The following BTBD9 variants were observed in gnomAD, a reference collection of about 807,000 sequenced individuals.
BTBD9 encodes the protein BTB/POZ domain-containing protein 9.
Under a neutral mutation model 64.3 loss-of-function variants are expected in BTBD9, and 49 were observed. The ratio of observed to expected loss-of-function variants is 0.76; its 90% CI spans 0.61 to 0.97. BTBD9 has a LOEUF of 0.97. Ranked by LOEUF, BTBD9 falls within the 50% of genes least tolerant of loss-of-function variation. The probability of loss-of-function intolerance (pLI) is 0.00; values close to 1 mark genes in which losing one functional copy is unlikely to be tolerated. For synonymous variants in BTBD9, 260 were observed against 274.7 expected (o/e 0.95, Z 0.53); for missense variants, 598 against 762.1 (o/e 0.78, Z 2.53).
At chr6:38,514,376 T>C (rs1441281565) in intron 6 of BTBD9, among the ~76,000 whole-genome samples, 1 of 152,250 alleles carries the variant, frequency 6.6e-6, no homozygotes, top group Non-Finnish European at 1.5e-5. Context: ...TTTTTTCATT[T>C]CTAATAAAGA....
intron 10 of BTBD9, among the ~76,000 whole-genome samples, chr6:38,182,945 A>G (rs1291016144): frequency 6.6e-6 from 1 of 151,434 alleles, no homozygotes; most frequent in Non-Finnish European, 1.5e-5. Flanking sequence ...CTTTCATAAC[A>G]AACATTTAAA....
intron 6 of BTBD9, among the ~76,000 whole-genome samples, chr6:38,533,094 G>A (rs1369778979): frequency 1.3e-5 from 2 of 151,626 alleles, no homozygotes; most frequent in Non-Finnish European, 2.9e-5. Context: ...AAAAGACAAA[G>A]AATGGTTGAA....
At position 38,592,622 on chromosome 6, in the gene BTBD9, C is replaced by T. The variant is rs190565636; in HGVS notation, c.768G>A (p.Val256=). 1 of 1,614,092 alleles carries T rather than the reference C, an allele frequency of 6.2e-7. No homozygotes were observed. Among genetic ancestry groups the T allele is most frequent in the East Asian group, 2.2e-5 (1 of 44,878 alleles). The part of the protein sequence containing the change: ...SPDAILDAIK[V]RSESRDMDLN... ...GGTCCATATCCCGGCTCTCAGATCG[C>T]ACTTTAATGGCATCCAGGATGGCAT... Residue 256 remains valine, a synonymous_variant, in exon 4 of 11, where the codon GTG becomes GTA. Coordinates refer to ENST00000481247, the MANE Select transcript of BTBD9 (RefSeq NM_001099272.2).
At chr6:38,265,147 G>A (rs1186847646) in intron 8 of BTBD9, among the ~76,000 whole-genome samples, 1 of 151,968 alleles carries the variant, frequency 6.6e-6, no homozygotes, top group Non-Finnish European at 1.5e-5. Flanking sequence ...GCAAGCAGAA[G>A]CTCTCGGGTG....
At chr6:38,531,877 A>G (rs1773816538) in intron 6 of BTBD9, among the ~76,000 whole-genome samples, 1 of 152,246 alleles carries the variant, frequency 6.6e-6, no homozygotes, top group South Asian at 2.1e-4. Context: ...AAGGCACAGC[A>G]AGATGGCTGA....
chr6:38,461,243 C>G (rs1207586742), intron 6 of BTBD9, among the ~76,000 whole-genome samples: 1 of 152,132 alleles, frequency 6.6e-6, no homozygotes, highest in African/African-American at 2.4e-5. Flanking sequence ...CCTGTAAAAC[C>G]ATCACCACAA....
At chr6:38,596,194 G>T in intron 2 of BTBD9, 1 of 369,876 alleles carries the variant, frequency 2.7e-6, no homozygotes, top group Non-Finnish European at 3.7e-6. Context: ...TAGCTCTAAG[G>T]TAGACTTAGA....
chr6:38,291,807 G>A (rs1027226584), intron 7 of BTBD9, among the ~76,000 whole-genome samples: 3 of 152,036 alleles, frequency 2.0e-5, no homozygotes, highest in African/African-American at 2.4e-5. Context: ...ATTGATTTGC[G>A]TATGTTGAAC....
intron 10 of BTBD9, chr6:38,179,867 C>G (rs918336586): frequency 2.2e-6 from 1 of 453,690 alleles, no homozygotes; most frequent in Middle Eastern, 3.3e-4. Context: ...ACAGGTGAGG[C>G]CTTGAGGGGT....
intron 6 of BTBD9, among the ~76,000 whole-genome samples, chr6:38,502,378 T>C (rs904087989): frequency 1.5e-4 from 23 of 152,218 alleles, no homozygotes; most frequent in African/African-American, 5.5e-4. Flanking sequence ...ATTTCCAACA[T>C]TTTGGAAGCA....
Position 38,259,951 on chromosome 6 carries a change from T to C in BTBD9, c.1455-3435A>G, listed in dbSNP as rs1452322136. ...CTACTCTTAGATTACACTAATTTTC[T>C]TATAAGAACGTGAATCATTTCCTTC... On this transcript the variant is annotated intron_variant, in intron 8 of 10. Transcript: ENST00000481247. Among the ~76,000 whole-genome samples, 4 of 152,220 alleles carry C rather than the reference T, an allele frequency of 2.6e-5. No homozygotes were observed. In the East Asian group the frequency reaches 7.7e-4, roughly 29 times the overall value.
chr6:38,248,523 T>C (rs1014435748), intron 9 of BTBD9, among the ~76,000 whole-genome samples: 2 of 152,180 alleles, frequency 1.3e-5, no homozygotes, highest in Non-Finnish European at 2.9e-5. Flanking sequence ...AAAAAATGAA[T>C]GCAAATGAGG....
intron 6 of BTBD9, among the ~76,000 whole-genome samples, chr6:38,425,138 A>G (rs1222584174): frequency 7.4e-6 from 1 of 135,120 alleles, no homozygotes; most frequent in Non-Finnish European, 1.5e-5. Flanking sequence ...TTTGAGTGAG[A>G]GTCTTGCTCT....
At chr6:38,593,671 A>G (rs1277799496) in intron 3 of BTBD9, among the ~76,000 whole-genome samples, 1 of 152,212 alleles carries the variant, frequency 6.6e-6, no homozygotes, top group Non-Finnish European at 1.5e-5. Flanking sequence ...GCAATACCAA[A>G]AAGGACCCTA....
intron 6 of BTBD9, among the ~76,000 whole-genome samples, chr6:38,488,208 C>T (rs1374298640): frequency 6.6e-6 from 1 of 152,054 alleles, no homozygotes; most frequent in East Asian, 1.9e-4. Flanking sequence ...ACTTCGGCCC[C>T]CCAAAAGTGT....
intron 6 of BTBD9, among the ~76,000 whole-genome samples, chr6:38,382,765 A>C (rs370120195): frequency 6.6e-6 from 1 of 152,214 alleles, no homozygotes; most frequent in East Asian, 1.9e-4. Context: ...AAAGATAAGA[A>C]ATTATAAATA....
intron 6 of BTBD9, among the ~76,000 whole-genome samples, chr6:38,461,269 T>C (rs528117432): frequency 5.9e-5 from 9 of 152,342 alleles, no homozygotes; most frequent in African/African-American, 2.2e-4. Context: ...ATAATGAATA[T>C]ATCCATCACC....
rs147789181 is a variant in BTBD9, at chr6:38,287,601, C to T, written c.1454+671G>A. On this transcript the variant is annotated intron_variant, in intron 8 of 10. Coordinates refer to ENST00000481247, the MANE Select transcript of BTBD9 (RefSeq NM_001099272.2). ...TGTAGCCTAGGAGCAACAGAACATA[C>T]CATCTAGCCTAGGTGTGTGGTAGGC... Among the ~76,000 whole-genome samples the T allele has an allele frequency of 5.7e-3, 861 of 152,252 alleles. 10 individuals carry two copies. The highest frequency in any genetic ancestry group is 0.019 in the African/African-American group (790 of 41,540).
chr6:38,479,180 A>C (rs1004619026), intron 6 of BTBD9, among the ~76,000 whole-genome samples: 5 of 152,142 alleles, frequency 3.3e-5, no homozygotes, highest in Non-Finnish European at 7.4e-5. Flanking sequence ...CCAAATATAC[A>C]ATGAAAAGTC....
Sources: allele counts gnomAD v4.1 joint callset (sites outside exome capture counted in the v4.1 genomes callset), GRCh38; gene constraint gnomAD v4.1.1; transcripts MANE v1.5; gene names NCBI Gene and HGNC (gene_info 2026-07-23, HGNC 2026-07-21).